Variants in HCN1 observed in about 807,000 individuals in gnomAD.
The protein encoded by HCN1 is potassium/sodium hyperpolarization-activated cyclic nucleotide-gated channel 1.
HCN1 carries 13 observed loss-of-function variants against 78.9 expected under a neutral mutation model. That is an observed-to-expected ratio of 0.16 (90% CI 0.11 to 0.26). The LOEUF (loss-of-function observed/expected upper bound fraction) is 0.26. HCN1 is among the 10% of genes least tolerant of loss of function. HCN1 has a pLI of 1.00. For missense variants in HCN1, 810 were observed against 1,154.3 expected, an observed-to-expected ratio of 0.70 and a Z score of 4.32; for synonymous variants, 552 against 455.5, an observed-to-expected ratio of 1.21 and a Z score of -2.70.
chr5:45,630,402 T>C (rs548462733), intron 2 of HCN1, among the ~76,000 whole-genome samples: 1 of 152,332 alleles, frequency 6.6e-6, no homozygotes. Flanking sequence ...TGATACTACC[T>C]ACTTCATAGA....
intron 6 of HCN1, among the ~76,000 whole-genome samples, chr5:45,293,482 A>G (rs1226184571): frequency 6.6e-6 from 1 of 151,398 alleles, no homozygotes; most frequent in African/African-American, 2.4e-5. Context: ...GGTCTACAAA[A>G]ACAAAACAAA....
At chr5:45,693,545 A>G (rs1238398077) in intron 1 of HCN1, among the ~76,000 whole-genome samples, 1 of 152,132 alleles carries the variant, frequency 6.6e-6, no homozygotes, top group Non-Finnish European at 1.5e-5. Context: ...TTTGAAATGG[A>G]TAATAAAATT....
rs1744874855 is a variant in HCN1 at position 45,267,143 on chromosome 5, G to A, written c.1729C>T (p.Pro577Ser). ...GTCTCAAAGGCTCTCCTCATCATTG[G>A]ATATTCCTCCAGGACCTCGTTGAAA... ...DNFNEVLEEY[P>S]MMRRAFETVA... The change falls in exon 7 of 8, where the codon CCA becomes TCA. Residue 577 changes from proline to serine, a missense_variant. Pro to Ser is a moderately conservative substitution (Grantham distance 74, BLOSUM62 -1). Coordinates refer to ENST00000303230, the MANE Select transcript of HCN1 (RefSeq NM_021072.4). 6.2e-7 allele frequency: 1 copy of A among 1,613,836 alleles called. No homozygotes were observed. Among genetic ancestry groups the A allele is most frequent in the Non-Finnish European group, 8.5e-7 (1 of 1,179,812 alleles).
chr5:45,467,182 C>T (rs1442813275), intron 2 of HCN1, among the ~76,000 whole-genome samples: 3 of 151,948 alleles, frequency 2.0e-5, no homozygotes, highest in East Asian at 1.9e-4. Flanking sequence ...TTTCCTGAGA[C>T]TTAAGACTCT....
chr5:45,680,170 T>A (rs1053911870), intron 1 of HCN1, among the ~76,000 whole-genome samples: 1 of 152,054 alleles, frequency 6.6e-6, no homozygotes, highest in Non-Finnish European at 1.5e-5. Flanking sequence ...ACTAAATTAT[T>A]TTGCTGTTTT....
chr5:45,399,325 G>C (rs956517637), intron 3 of HCN1, among the ~76,000 whole-genome samples: 1 of 152,238 alleles, frequency 6.6e-6, no homozygotes, highest in Non-Finnish European at 1.5e-5. Flanking sequence ...GAATCTGTGT[G>C]TGTGATGCTG....
chr5:45,546,255 C>T (rs1743224897), intron 2 of HCN1, among the ~76,000 whole-genome samples: 1 of 151,848 alleles, frequency 6.6e-6, no homozygotes, highest in Non-Finnish European at 1.5e-5. Context: ...TCCAATTGGC[C>T]TACTGATACA....
intron 1 of HCN1, among the ~76,000 whole-genome samples, chr5:45,661,477 A>G (rs1209796960): frequency 2.3e-5 from 3 of 129,500 alleles, no homozygotes; most frequent in South Asian, 2.8e-4. Context: ...AAGGAAATAG[A>G]GACACAAAAA....
rs2589165 is a variant in HCN1 at position 45,669,437 on chromosome 5, C to A, written c.426-23829G>T. Among the ~76,000 whole-genome samples the A allele has an allele frequency of 6.7e-3, 1,019 of 151,888 alleles. 7 individuals carry two copies. Among genetic ancestry groups the A allele is most frequent in the African/African-American group, 0.024 (976 of 41,486 alleles). ...GAGATAATGACTTTAACATGTTTCACATTCACATGGCAGAAGACAGTTGGA... is the reference window on the plus strand; with the variant it reads ...GAGATAATGACTTTAACATGTTTCAAATTCACATGGCAGAAGACAGTTGGA... On this transcript the variant is annotated intron_variant, in intron 1 of 7. Coordinates refer to ENST00000303230, the MANE Select transcript of HCN1 (RefSeq NM_021072.4).
intron 4 of HCN1, among the ~76,000 whole-genome samples, chr5:45,394,707 T>A (rs573877199): frequency 6.6e-6 from 1 of 152,014 alleles, no homozygotes; most frequent in Non-Finnish European, 1.5e-5. Flanking sequence ...TCCCAACTAC[T>A]TGGGAGACTG....
chr5:45,446,783 A>C lies in HCN1; in HGVS notation c.1011+15063T>G, dbSNP rs1378825364. On this transcript the variant is annotated intron_variant, in intron 3 of 7. Coordinates refer to ENST00000303230, the MANE Select transcript of HCN1 (RefSeq NM_021072.4). ...CAACCCAGAATTTCATATCCAGCCAAACTAAGCTTCATAAGTGAAGGAGAA... is the reference window on the plus strand; with the variant it reads ...CAACCCAGAATTTCATATCCAGCCACACTAAGCTTCATAAGTGAAGGAGAA... Among the ~76,000 whole-genome samples the C allele has an allele frequency of 4.6e-5, 7 of 152,220 alleles. No individual in the cohort carries two copies. In the East Asian group the frequency reaches 5.8e-4, roughly 13 times the overall value.
At chr5:45,636,687 A>C (rs867783303) in intron 2 of HCN1, among the ~76,000 whole-genome samples, 2 of 152,216 alleles carry the variant, frequency 1.3e-5, no homozygotes, top group African/African-American at 4.8e-5. Context: ...GTCTGTACAA[A>C]AGAAAAATTT....
In HCN1 at chr5:45,262,665, T is replaced by C. The variant is rs753266511; in HGVS notation, c.1929A>G (p.Gln643=). 2 of 1,613,932 alleles carry C rather than the reference T, an allele frequency of 1.2e-6. No individual in the cohort carries two copies. The highest frequency in any genetic ancestry group is 2.7e-5 in the African/African-American group (2 of 74,874). ...ACGATGTGGAATTCAGGGTTGTCAT[T>C]TGAGGATAATTGATGGGAGCGATTG... ...VQAIAPINYP[Q]MTTLNSTSST... is the part of the protein sequence containing the mutation. The change falls in exon 8 of 8, where the codon CAA becomes CAG. Residue 643 remains glutamine, a synonymous_variant. Coordinates refer to ENST00000303230, the MANE Select transcript of HCN1 (RefSeq NM_021072.4).
At chr5:45,579,166 AT>A (rs1368861822) in intron 2 of HCN1, among the ~76,000 whole-genome samples, 1 of 152,146 alleles carries the variant, frequency 6.6e-6, no homozygotes, top group Non-Finnish European at 1.5e-5. Flanking sequence ...GAAGCTACAG[AT>A]TTTTAAACTT....
chr5:45,382,356 T>G (rs920263293), intron 4 of HCN1, among the ~76,000 whole-genome samples: 2 of 152,216 alleles, frequency 1.3e-5, no homozygotes, highest in African/African-American at 4.8e-5. Flanking sequence ...ATGTTTAATA[T>G]GGTACCCTCA....
chr5:45,315,686 A>G (rs1006735346), intron 5 of HCN1, among the ~76,000 whole-genome samples: 4 of 152,174 alleles, frequency 2.6e-5, no homozygotes, highest in African/African-American at 9.7e-5. Flanking sequence ...TAAAGAAGAA[A>G]AGAGAGAAGA....
In HCN1 at chr5:45,584,475, C is replaced by T. The variant is rs1315752244; in HGVS notation, c.849+60710G>A. Among the ~76,000 whole-genome samples, 30 of 152,018 alleles carry T rather than the reference C, an allele frequency of 2.0e-4. 1 individual carries two copies. The highest frequency in any genetic ancestry group is 2.0e-4 in the Admixed American group (3 of 15,256). ...TACAGCACACTGATGGGTCTTGACTCTTTATCCAATTTGCCAGTCTGTGTC... is the reference window on the plus strand; with the variant it reads ...TACAGCACACTGATGGGTCTTGACTTTTTATCCAATTTGCCAGTCTGTGTC... On this transcript the variant is annotated intron_variant, in intron 2 of 7. Coordinates refer to ENST00000303230, the MANE Select transcript of HCN1 (RefSeq NM_021072.4).
chr5:45,668,543 A>G (rs1208719403), intron 1 of HCN1, among the ~76,000 whole-genome samples: 1 of 151,936 alleles, frequency 6.6e-6, no homozygotes, highest in Non-Finnish European at 1.5e-5. Flanking sequence ...TAGTATCTTT[A>G]AAGCAGTGTG....
chr5:45,376,782 T>C (rs762598474), intron 4 of HCN1, among the ~76,000 whole-genome samples: 137 of 151,810 alleles, frequency 9.0e-4, no homozygotes, highest in Non-Finnish European at 1.7e-3. Context: ...ATTTTATACA[T>C]AGAACACATG....
Sources: allele counts gnomAD v4.1 joint callset (sites outside exome capture counted in the v4.1 genomes callset), GRCh38; gene constraint gnomAD v4.1.1; transcripts MANE v1.5; gene names NCBI Gene and HGNC (gene_info 2026-07-23, HGNC 2026-07-21).